TNIK: variants seen among roughly 807,000 people sequenced by gnomAD.
TNIK encodes the protein TRAF2 and NCK-interacting protein kinase.
In TNIK, 49 loss-of-function variants were observed where a neutral mutation model predicts 191.3. The ratio of observed to expected loss-of-function variants is 0.26; its 90% CI spans 0.20 to 0.32. TNIK has a LOEUF of 0.32. Ranked by LOEUF, TNIK falls within the 10% of genes least tolerant of loss-of-function variation. The probability of loss-of-function intolerance (pLI) is 1.00; values close to 1 mark genes in which losing one functional copy is unlikely to be tolerated. For synonymous variants in TNIK, 594 were observed against 600.9 expected, an observed-to-expected ratio of 0.99 and a Z score of 0.17; for missense variants, 1,155 against 1,702.3, an observed-to-expected ratio of 0.68 and a Z score of 5.66.
chr3:171,185,788 CAAT>C (rs1336289121), intron 7 of TNIK, among the ~76,000 whole-genome samples: 10 of 152,324 alleles, frequency 6.6e-5, no homozygotes, highest in African/African-American at 2.4e-4. Context: ...AATTGATAAA[CAAT>C]AAATCAAATA....
intron 2 of TNIK, among the ~76,000 whole-genome samples, chr3:171,293,660 A>AT (rs894436607): frequency 5.9e-5 from 9 of 151,774 alleles, no homozygotes; most frequent in East Asian, 1.9e-4. Flanking sequence ...AATGAATAAC[A>AT]TTTTTTTTCC....
At chr3:171,108,220 A>G (rs906854610) in intron 19 of TNIK, 58 bp from the exon 20 acceptor site, 1 of 1,338,164 alleles carries the variant, frequency 7.5e-7, no homozygotes, top group Non-Finnish European at 1.0e-6. Flanking sequence ...TGCTGGCTCA[A>G]GTTCTGAATG....
Position 171,419,579 on chromosome 3 carries a change from G to A in TNIK, c.57+40428C>T, listed in dbSNP as rs116152685. On this transcript the variant is annotated intron_variant, in intron 1 of 32. Coordinates refer to ENST00000436636, the MANE Select transcript of TNIK (RefSeq NM_015028.4). ...TTGCCTAAGGATGAAAAAACAAAGA[G>A]CTTTTGAAGGAAGTCCTGGGCTCAG... is the stretch of plus-strand genomic sequence containing the variant. 3.9e-3 allele frequency among the ~76,000 whole-genome samples: 599 copies of A among 152,276 alleles called. 4 individuals carry two copies. The highest frequency in any genetic ancestry group is 0.013 in the African/African-American group (550 of 41,560).
At chr3:171,144,536 T>G (rs958464027) in intron 12 of TNIK, among the ~76,000 whole-genome samples, 12 of 152,238 alleles carry the variant, frequency 7.9e-5, no homozygotes, top group African/African-American at 2.9e-4. Flanking sequence ...GGGTACAATG[T>G]GATGTTTACA....
chr3:171,319,356 A>G (rs71308509), intron 2 of TNIK, among the ~76,000 whole-genome samples: 3,443 of 152,282 alleles, frequency 0.023, 56 homozygotes, highest in Middle Eastern at 0.041. Flanking sequence ...AGTTCTAACC[A>G]CAGTCTGGAA....
intron 2 of TNIK, among the ~76,000 whole-genome samples, chr3:171,229,536 A>T (rs1424953779): frequency 6.6e-6 from 1 of 152,192 alleles, no homozygotes; most frequent in African/African-American, 2.4e-5. Context: ...GGTAGAAAAC[A>T]TTAGTGGGTC....
chr3:171,097,374 T>A (rs1722867809), intron 22 of TNIK, among the ~76,000 whole-genome samples: 1 of 152,218 alleles, frequency 6.6e-6, no homozygotes, highest in African/African-American at 2.4e-5. Flanking sequence ...TTAACAAATT[T>A]GATACTACTA....
chr3:171,110,359 GTTCAGGACAT>G (rs1725659992), intron 19 of TNIK, among the ~76,000 whole-genome samples: 1 of 152,164 alleles, frequency 6.6e-6, no homozygotes, highest in Admixed American at 6.5e-5. Context: ...GGTGCAATGC[GTTCAGGACAT>G]TTGTGGGTAC....
At chr3:171,438,125 G>T (rs1577938150) in intron 1 of TNIK, among the ~76,000 whole-genome samples, 1 of 152,296 alleles carries the variant, frequency 6.6e-6, no homozygotes, top group East Asian at 1.9e-4. Flanking sequence ...TTATAAAGAG[G>T]TTTATAGTCT....
chr3:171,190,113 A>G (rs992429088), intron 6 of TNIK, among the ~76,000 whole-genome samples: 1 of 152,200 alleles, frequency 6.6e-6, no homozygotes, highest in Non-Finnish European at 1.5e-5. Context: ...GTAATTCTCT[A>G]TTTGGGCAGT....
intron 12 of TNIK, among the ~76,000 whole-genome samples, chr3:171,146,660 C>G (rs1012297752): frequency 6.6e-6 from 1 of 152,108 alleles, no homozygotes; most frequent in Non-Finnish European, 1.5e-5. Flanking sequence ...GAGGCCAAGG[C>G]GAGCGGATCA....
chr3:171,361,516 T>A (rs1714970203), intron 2 of TNIK, among the ~76,000 whole-genome samples: 1 of 152,190 alleles, frequency 6.6e-6, no homozygotes, highest in East Asian at 1.9e-4. Flanking sequence ...ACAAATTAGA[T>A]GCAAACAACT....
chr3:171,156,085 A>C (rs1038702394), intron 12 of TNIK, among the ~76,000 whole-genome samples: 6 of 152,212 alleles, frequency 3.9e-5, no homozygotes, highest in African/African-American at 1.4e-4. Flanking sequence ...TTCTTTGTTA[A>C]ATGGGGATTA....
intron 1 of TNIK, among the ~76,000 whole-genome samples, chr3:171,456,880 G>A (rs1025540915): frequency 3.2e-4 from 49 of 152,346 alleles, no homozygotes; most frequent in African/African-American, 1.1e-3. Context: ...AGCACTGAAT[G>A]AGGAGTCAGG....
Position 171,063,501 on chromosome 3 carries a change from C to A in TNIK, c.*380G>T. 6.2e-6 allele frequency: 1 copy of A among 161,420 alleles called. No homozygotes were observed. Among genetic ancestry groups the A allele is most frequent in the South Asian group, 1.9e-4 (1 of 5,190 alleles). 10.0% of individuals were successfully genotyped at this position (161,420 alleles called of 1,614,324 possible). ...TCATTTTCGCAGTATGCATTCTTTC[C>A]CCATTCTTGCAGAGTAAAGGGGTAA... On this transcript the variant is annotated 3_prime_UTR_variant, in exon 33 of 33. Transcript: ENST00000436636.
chr3:171,268,310 C>A (rs1271065591), intron 2 of TNIK, among the ~76,000 whole-genome samples: 1 of 152,060 alleles, frequency 6.6e-6, no homozygotes, highest in Non-Finnish European at 1.5e-5. Context: ...GCTATGTGAT[C>A]ATCTTCCTCA....
intron 28 of TNIK, among the ~76,000 whole-genome samples, chr3:171,072,272 C>T: frequency 6.6e-6 from 1 of 152,076 alleles, no homozygotes; most frequent in Admixed American, 6.6e-5. Flanking sequence ...CCTAAAGAAA[C>T]TAGGTAGGAA....
Position 171,104,109 on chromosome 3 carries a change from C to T in TNIK, c.2407-2476G>A, listed in dbSNP as rs139153551. Among the ~76,000 whole-genome samples, 4 of 152,200 alleles carry T rather than the reference C, an allele frequency of 2.6e-5. No homozygotes were observed. In the East Asian group the frequency reaches 7.7e-4, roughly 29 times the overall value. ...TTCAATTAACAGTTTGGAGGCGAGA[C>T]ATATACCAGAATCCCTATGAAAAGG... On this transcript the variant is annotated intron_variant, in intron 21 of 32. Coordinates refer to ENST00000436636, the MANE Select transcript of TNIK (RefSeq NM_015028.4).
rs368948791 is a variant in TNIK, at chr3:171,360,809, CT to C, written c.123+8810del. ...ACCTTTATATGAAGGCTTTCCTGGT[CT>C]TCCCACAGCCCCCACAGATTTGGCT... On this transcript the variant is annotated intron_variant, in intron 2 of 32. Coordinates refer to ENST00000436636, the MANE Select transcript of TNIK (RefSeq NM_015028.4). Among the ~76,000 whole-genome samples, 44 of 152,368 alleles carry C rather than the reference CT, an allele frequency of 2.9e-4. No individual in the cohort carries two copies. The East Asian group carries it at 8.3e-3, about 29-fold the overall frequency.
Sources: gnomAD v4.1 joint callset for allele counts (sites outside exome capture counted in the v4.1 genomes callset) on GRCh38, gnomAD v4.1.1 for gene constraint, MANE v1.5 for transcripts, NCBI Gene and HGNC (gene_info 2026-07-23, HGNC 2026-07-21) for gene names.